The following RARS1 variants were observed in gnomAD, a reference collection of about 807,000 sequenced individuals.
The protein encoded by RARS1 is arginine--tRNA ligase, cytoplasmic.
A neutral mutation model predicts 78.7 loss-of-function variants in RARS1; 75 were observed. The ratio of observed to expected loss-of-function variants is 0.95; its 90% CI spans 0.79 to 1.15. The LOEUF (loss-of-function observed/expected upper bound fraction) is 1.15, where lower values mean the gene tolerates loss of function less well. Among genes scored for constraint, RARS1 ranks in the 50% most tolerant of loss-of-function variants. The pLI is 0.00. For synonymous variants in RARS1, 273 were observed against 268.2 expected, an observed-to-expected ratio of 1.02 and a Z score of -0.18; for missense variants, 787 against 787.5, an observed-to-expected ratio of 1.00 and a Z score of 0.01.
chr5:168,497,089 C>A, intron 6 of RARS1, 139 bp from the exon 7 acceptor site: 1 of 647,312 alleles, frequency 1.5e-6, no homozygotes, highest in Non-Finnish European at 2.3e-6. Context: ...GAAGAAACAA[C>A]CAAGTAAACA....
At chr5:168,489,370 A>T (rs1181267998) in intron 2 of RARS1, among the ~76,000 whole-genome samples, 1 of 152,218 alleles carries the variant, frequency 6.6e-6, no homozygotes, top group African/African-American at 2.4e-5. Flanking sequence ...TTTTTAAAAA[A>T]ACATGTTTGA....
At chr5:168,510,295 G>A (rs1433996202) in intron 11 of RARS1, among the ~76,000 whole-genome samples, 1 of 152,180 alleles carries the variant, frequency 6.6e-6, no homozygotes, top group Non-Finnish European at 1.5e-5. Flanking sequence ...TGTAGAGAGT[G>A]CTTTTGAGGG....
intron 2 of RARS1, among the ~76,000 whole-genome samples, chr5:168,489,239 G>A (rs1001169811): frequency 9.9e-5 from 15 of 151,760 alleles, no homozygotes; most frequent in African/African-American, 3.1e-4. Flanking sequence ...GGCTGGCCTC[G>A]GAATTCCTGG....
At position 168,495,378 on chromosome 5, in the gene RARS1, A is replaced by G. The variant is rs756582430; in HGVS notation, c.643A>G (p.Thr215Ala). ...GATGCATGTAGGCCACCTGAGGTCA[A>G]CTATCATAGGAGAGAGTATAAGCCG... The part of the protein sequence containing the change: ...KEMHVGHLRS[T>A]IIGESISRLF... The change falls in exon 6 of 15, where the codon ACT (threonine) becomes GCT (alanine). Residue 215 changes from threonine to alanine, a missense_variant. Coordinates refer to ENST00000231572, the MANE Select transcript of RARS1 (RefSeq NM_002887.4). 2.5e-6 allele frequency: 4 copies of G among 1,614,076 alleles called. No individual in the cohort carries two copies. The South Asian group carries it at 3.3e-5, about 13-fold the overall frequency.
chr5:168,515,964 C>A (rs753764444), intron 12 of RARS1, among the ~76,000 whole-genome samples: 17 of 152,064 alleles, frequency 1.1e-4, no homozygotes, highest in Non-Finnish European at 2.4e-4. Flanking sequence ...CTTTGGCAGC[C>A]CCGTACTCTA....
intron 9 of RARS1, 67 bp from the exon 10 acceptor site, chr5:168,505,954 T>C (rs1291086252): frequency 5.0e-6 from 6 of 1,198,556 alleles, no homozygotes; most frequent in Non-Finnish European, 4.8e-6. Context: ...CATAGTAGAA[T>C]GAGTAAGCAT....
intron 7 of RARS1, among the ~76,000 whole-genome samples, chr5:168,499,585 T>C (rs369699975): frequency 6.6e-6 from 1 of 152,206 alleles, no homozygotes. Context: ...TTTACTGATA[T>C]GAGACTGGAA....
At chr5:168,503,945 C>A (rs1192966835) in intron 9 of RARS1, among the ~76,000 whole-genome samples, 1 of 151,376 alleles carries the variant, frequency 6.6e-6, no homozygotes, top group African/African-American at 2.4e-5. Context: ...AGTAGTTGGG[C>A]ATGGTGATGC....
At chr5:168,504,644 T>C (rs1290751139) in intron 9 of RARS1, among the ~76,000 whole-genome samples, 9 of 150,696 alleles carry the variant, frequency 6.0e-5, no homozygotes, top group Admixed American at 6.0e-4. Context: ...GCTAACACGG[T>C]GAAACCCCGT....
At chr5:168,494,479 G>A (rs1758142262) in intron 4 of RARS1, 71 bp from the exon 5 acceptor site, 2 of 1,582,726 alleles carry the variant, frequency 1.3e-6, no homozygotes, top group Non-Finnish European at 1.7e-6. Flanking sequence ...AGTGTCTGGA[G>A]CAAATCCTTA....
Position 168,519,210 on chromosome 5 carries a change from C to A in RARS1, c.*20C>A, listed in dbSNP as rs1561830119. The A allele has an allele frequency of 6.3e-7, 1 of 1,582,820 alleles. No homozygotes were observed. Among genetic ancestry groups the A allele is most frequent in the South Asian group, 1.1e-5 (1 of 88,338 alleles). On this transcript the variant is annotated 3_prime_UTR_variant, in exon 15 of 15. Coordinates refer to ENST00000231572, the MANE Select transcript of RARS1 (RefSeq NM_002887.4). ...ATGTAATCCTTCATAGGTTTGAACACTGTGTGTTTTTACCAAAGTGGCCAT... is the reference window on the plus strand; with the variant it reads ...ATGTAATCCTTCATAGGTTTGAACAATGTGTGTTTTTACCAAAGTGGCCAT...
chr5:168,505,921 T>C (rs1040613398), intron 9 of RARS1, 100 bp from the exon 10 acceptor site: 9 of 1,018,178 alleles, frequency 8.8e-6, no homozygotes, highest in Admixed American at 2.6e-5. Context: ...TTTCAAAATA[T>C]TCTTAGAATA....
intron 12 of RARS1, among the ~76,000 whole-genome samples, chr5:168,514,230 A>C (rs906295378): frequency 1.3e-5 from 2 of 152,158 alleles, no homozygotes; most frequent in Non-Finnish European, 2.9e-5. Flanking sequence ...GGGGGCTGCC[A>C]AACTTCCTAA....
chr5:168,505,712 A>C (rs1478144200), intron 9 of RARS1, among the ~76,000 whole-genome samples: 1 of 101,882 alleles, frequency 9.8e-6, no homozygotes, highest in Non-Finnish European at 2.0e-5. Flanking sequence ...TGTATCAAAA[A>C]AGAAAAAAAA....
At chr5:168,490,049 G>C (rs1016089024) in intron 2 of RARS1, among the ~76,000 whole-genome samples, 1 of 152,148 alleles carries the variant, frequency 6.6e-6, no homozygotes, top group Non-Finnish European at 1.5e-5. Context: ...CCTGACCTCA[G>C]GTGATCTGCC....
intron 11 of RARS1, among the ~76,000 whole-genome samples, chr5:168,510,002 C>G (rs1561826668): frequency 6.6e-6 from 1 of 152,082 alleles, no homozygotes. Flanking sequence ...ATGAAGCAAG[C>G]AAGCAACTGG....
At chr5:168,507,262 T>G (rs933856954) in intron 11 of RARS1, among the ~76,000 whole-genome samples, 45 of 152,256 alleles carry the variant, frequency 3.0e-4, no homozygotes, top group African/African-American at 1.0e-3. Context: ...TCACTGGTTT[T>G]GTTATGTTCT....
chr5:168,504,535 G>GA (rs202134460), intron 9 of RARS1, among the ~76,000 whole-genome samples: 10 of 130,476 alleles, frequency 7.7e-5, no homozygotes, highest in South Asian at 2.5e-4. Context: ...AAAAAAAAAA[G>GA]AAAAAAAAAT....
chr5:168,495,096 G>A (rs2152903932), intron 5 of RARS1: 1 of 732,646 alleles, frequency 1.4e-6, no homozygotes, highest in East Asian at 3.8e-5. Flanking sequence ...TTGTATACAT[G>A]AATTTGATTC....
Sources: gnomAD v4.1 joint callset for allele counts (sites outside exome capture counted in the v4.1 genomes callset) on GRCh38, gnomAD v4.1.1 for gene constraint, MANE v1.5 for transcripts, NCBI Gene and HGNC (gene_info 2026-07-23, HGNC 2026-07-21) for gene names.